Variants in NCKAP5 observed in about 807,000 individuals in gnomAD.
The protein encoded by NCKAP5 is nck-associated protein 5.
A neutral mutation model predicts 167.0 loss-of-function variants in NCKAP5; 92 were observed. That is an observed-to-expected ratio of 0.55 (90% CI 0.47 to 0.66). The LOEUF (loss-of-function observed/expected upper bound fraction) is 0.66. Among genes scored for constraint, NCKAP5 ranks in the 30% least tolerant of loss-of-function variants. The pLI, the probability that NCKAP5 is intolerant of heterozygous loss-of-function variation, is 0.00. For synonymous variants in NCKAP5, 891 were observed against 877.4 expected, an observed-to-expected ratio of 1.02 and a Z score of -0.27; for missense variants, 2,378 against 2,315.0, an observed-to-expected ratio of 1.03 and a Z score of -0.56.
chr2:133,674,636 A>T, the NCKAP5 span, among the ~76,000 whole-genome samples: 1 of 152,072 alleles, frequency 6.6e-6, no homozygotes, highest in Non-Finnish European at 1.5e-5. Flanking sequence ...TCAACATTCA[A>T]GGAACAAAAA....
Position 133,412,081 on chromosome 2 carries a change from C to A in NCKAP5, c.69+105377G>T, listed in dbSNP as rs76842048. 6.6e-4 allele frequency among the ~76,000 whole-genome samples: 101 copies of A among 152,276 alleles called. No homozygotes were observed. In the East Asian group the frequency reaches 0.014, roughly 21 times the overall value. ...AGTAGTCACTGCTTTGGAGTGAATGCCTACGTACTCCCCGGATTTTATATG... is the reference window on the plus strand; with the variant it reads ...AGTAGTCACTGCTTTGGAGTGAATGACTACGTACTCCCCGGATTTTATATG... On this transcript the variant is annotated intron_variant, in intron 3 of 19. Coordinates refer to ENST00000409261, the MANE Select transcript of NCKAP5 (RefSeq NM_207363.3).
At chr2:133,166,749 C>T (rs926139841) in intron 5 of NCKAP5, among the ~76,000 whole-genome samples, 1 of 152,200 alleles carries the variant, frequency 6.6e-6, no homozygotes, top group African/African-American at 2.4e-5. Context: ...AAATTCATCA[C>T]ATACATAAAC....
rs548387827 is a variant in NCKAP5 at position 133,027,316 on chromosome 2, T to C, written c.342-33077A>G. 9.2e-5 allele frequency among the ~76,000 whole-genome samples: 14 copies of C among 152,292 alleles called. No homozygotes were observed. In the East Asian group the frequency reaches 2.7e-3, roughly 29 times the overall value. ...TTTTCACTTAGTGTAGCTCCTAATT[T>C]AAAGGATTATAGATTATATGTCACT... On this transcript the variant is annotated intron_variant, in intron 6 of 19. Coordinates refer to ENST00000409261, the MANE Select transcript of NCKAP5 (RefSeq NM_207363.3).
chr2:132,765,308 C>CTTAT (rs1218963552), intron 16 of NCKAP5, among the ~76,000 whole-genome samples: 2 of 114,308 alleles, frequency 1.7e-5, no homozygotes, highest in African/African-American at 6.9e-5. Context: ...TTCTTTCTTT[C>CTTAT]TTTTTTTTTT....
At position 133,436,396 on chromosome 2, in the gene NCKAP5, G is replaced by A. The variant is rs1170876500; in HGVS notation, c.69+81062C>T. The stretch of plus-strand genomic sequence containing the variant: ...ACTCACACATCTAGCTCATCTTCCT[G>A]GCTCTAGTTTTTTTGCACCTATGGC... On this transcript the variant is annotated intron_variant, in intron 3 of 19. Coordinates refer to ENST00000409261, the MANE Select transcript of NCKAP5 (RefSeq NM_207363.3). Among the ~76,000 whole-genome samples the A allele has an allele frequency of 2.6e-5, 4 of 152,124 alleles. No individual in the cohort carries two copies. The East Asian group carries it at 7.7e-4, about 29-fold the overall frequency.
intron 8 of NCKAP5, among the ~76,000 whole-genome samples, chr2:132,958,286 TA>T (rs1429543542): frequency 1.3e-5 from 2 of 152,168 alleles, no homozygotes; most frequent in Non-Finnish European, 2.9e-5. Flanking sequence ...CCAATAACAT[TA>T]ATATGGTATG....
the NCKAP5 span, among the ~76,000 whole-genome samples, chr2:133,593,292 C>CA: frequency 1.0e-3 from 155 of 149,126 alleles, no homozygotes; most frequent in African/African-American, 3.5e-3. Context: ...GTCATCTTCA[C>CA]AAAAAAAAGG....
At chr2:133,302,953 G>A in intron 4 of NCKAP5, 84 bp downstream of exon 4, 1 of 932,730 alleles carries the variant, frequency 1.1e-6, no homozygotes, top group Non-Finnish European at 1.7e-6. Context: ...TATATATTCT[G>A]TAGTCTAACT....
At chr2:132,680,210 C>T (rs1685042048) in intron 19 of NCKAP5, among the ~76,000 whole-genome samples, 1 of 152,062 alleles carries the variant, frequency 6.6e-6, no homozygotes, top group South Asian at 2.1e-4. Flanking sequence ...TTGACTTGCC[C>T]TTCTGAAAAA....
intron 3 of NCKAP5, among the ~76,000 whole-genome samples, chr2:133,335,578 ATAGAC>A (rs914429110): frequency 2.0e-5 from 3 of 152,190 alleles, no homozygotes; most frequent in African/African-American, 7.2e-5. Flanking sequence ...TAAAAAATGT[ATAGAC>A]TAAAGAACCA....
chr2:133,020,615 T>C (rs1258237567), intron 6 of NCKAP5, among the ~76,000 whole-genome samples: 1 of 152,172 alleles, frequency 6.6e-6, no homozygotes, highest in Non-Finnish European at 1.5e-5. Flanking sequence ...GTCTTTTGTT[T>C]TTAAATTTCA....
At chr2:132,883,522 C>G (rs1691958160) in intron 8 of NCKAP5, among the ~76,000 whole-genome samples, 1 of 152,140 alleles carries the variant, frequency 6.6e-6, no homozygotes, top group South Asian at 2.1e-4. Flanking sequence ...CCACACTGCA[C>G]CTCCTCTTTC....
rs192105275 is a variant in NCKAP5, at chr2:133,060,442, G to A, written c.342-66203C>T. 1.3e-5 allele frequency among the ~76,000 whole-genome samples: 2 copies of A among 152,054 alleles called. 1 individual carries two copies. The highest frequency in any genetic ancestry group is 3.9e-4 in the East Asian group (2 of 5,174). ...AGATATCAACAAGTATAAACACTAT[G>A]AAAGAAAAAAGTATTCAATGTCAAT... On this transcript the variant is annotated intron_variant, in intron 6 of 19. Transcript: ENST00000409261.
At chr2:132,949,034 G>GAA (rs767146785) in intron 8 of NCKAP5, among the ~76,000 whole-genome samples, 19 of 150,144 alleles carry the variant, frequency 1.3e-4, no homozygotes, top group Non-Finnish European at 2.5e-4. Context: ...GAAAAGAAAA[G>GAA]AAAAGAAAAG....
At chr2:133,351,975 C>T (rs1449008245) in intron 3 of NCKAP5, among the ~76,000 whole-genome samples, 1 of 152,118 alleles carries the variant, frequency 6.6e-6, no homozygotes, top group African/African-American at 2.4e-5. Context: ...TCACATCATG[C>T]CATTCCCTTC....
At chr2:133,473,928 T>G (rs1282197645) in intron 3 of NCKAP5, among the ~76,000 whole-genome samples, 2 of 152,094 alleles carry the variant, frequency 1.3e-5, no homozygotes, top group African/African-American at 2.4e-5. Context: ...GAGTTCCATT[T>G]AAAGTACTGT....
chr2:133,102,579 A>G (rs1205138507), intron 6 of NCKAP5, among the ~76,000 whole-genome samples: 2 of 152,166 alleles, frequency 1.3e-5, no homozygotes, highest in Non-Finnish European at 1.5e-5. Context: ...CTATTTGTCC[A>G]AGATCATTCC....
chr2:133,433,101 C>A (rs1261254443), intron 3 of NCKAP5, among the ~76,000 whole-genome samples: 1 of 152,174 alleles, frequency 6.6e-6, no homozygotes, highest in African/African-American at 2.4e-5. Flanking sequence ...CTTTCCCAGG[C>A]ATACCAGCTA....
At chr2:133,529,952 G>A (rs945674746) in intron 2 of NCKAP5, among the ~76,000 whole-genome samples, 30 of 151,984 alleles carry the variant, frequency 2.0e-4, no homozygotes, top group African/African-American at 6.8e-4. Flanking sequence ...TTTCCCCCCA[G>A]TCTACCTCTT....
Sources: allele counts gnomAD v4.1 joint callset (sites outside exome capture counted in the v4.1 genomes callset), GRCh38; gene constraint gnomAD v4.1.1; transcripts MANE v1.5; gene names NCBI Gene and HGNC (gene_info 2026-07-23, HGNC 2026-07-21).